The following MMP26 variants were observed in gnomAD, a reference collection of about 807,000 sequenced individuals.
MMP26 encodes matrix metallopeptidase 26.
In MMP26, 33 loss-of-function variants were observed where a neutral mutation model predicts 31.0. The ratio of observed to expected loss-of-function variants is 1.06; its 90% CI spans 0.81 to 1.42. The LOEUF is 1.42. Ranked by LOEUF, MMP26 falls within the 40% of genes most tolerant of loss-of-function variation. The pLI is 0.00. For missense variants in MMP26, 347 were observed against 316.1 expected, an observed-to-expected ratio of 1.10 and a Z score of -0.74; for synonymous variants, 122 against 114.9, an observed-to-expected ratio of 1.06 and a Z score of -0.40.
At chr11:4,922,846 G>A (rs1045339126) in intron 2 of MMP26, among the ~76,000 whole-genome samples, 1 of 152,050 alleles carries the variant, frequency 6.6e-6, no homozygotes, top group Non-Finnish European at 1.5e-5. Context: ...AATTTTGTGG[G>A]CATATGTTTA....
chr11:4,990,557 C>A lies in MMP26; in HGVS notation c.321-41C>A, dbSNP rs780460364. On this transcript the variant is annotated intron_variant, in intron 4 of 7. Coordinates refer to ENST00000380390, the MANE Select transcript of MMP26 (RefSeq NM_021801.5). ...TCATGTTTAGAGCTAGGATAATTCC[C>A]ATTCCTCTGAACTATTTCATTTAGA... is the stretch of plus-strand genomic sequence containing the variant. The A allele has an allele frequency of 9.6e-6, 15 of 1,559,740 alleles. No homozygotes were observed. In the South Asian group the frequency reaches 1.7e-4, roughly 18 times the overall value.
chr11:4,817,606 C>CA (rs1009060732), intron 2 of MMP26, among the ~76,000 whole-genome samples: 1 of 151,660 alleles, frequency 6.6e-6, no homozygotes, highest in Non-Finnish European at 1.5e-5. Context: ...AACAAACAAA[C>CA]AAAAATCTAC....
At chr11:4,949,805 T>C (rs1015008423) in intron 2 of MMP26, among the ~76,000 whole-genome samples, 3 of 111,528 alleles carry the variant, frequency 2.7e-5, no homozygotes, top group African/African-American at 8.7e-5. Context: ...TTAACAAAAC[T>C]GAAAGAATAA....
chr11:4,769,149 T>G, intron 2 of MMP26: 2 of 1,613,396 alleles, frequency 1.2e-6, no homozygotes, highest in Non-Finnish European at 1.7e-6. Context: ...AGGCTCAGCA[T>G]GTGGATGTAG....
At chr11:4,814,205 T>A (rs1210222426) in intron 2 of MMP26, among the ~76,000 whole-genome samples, 3 of 152,174 alleles carry the variant, frequency 2.0e-5, no homozygotes, top group African/African-American at 7.2e-5. Context: ...CAATTTCTAG[T>A]AAAACTAGAC....
intron 2 of MMP26, chr11:4,938,061 A>G (rs934713409): frequency 5.3e-5 from 8 of 152,196 alleles, no homozygotes; most frequent in African/African-American, 1.7e-4. Flanking sequence ...TGGGTAAGGA[A>G]GACAGAGACA....
chr11:4,912,563 A>G (rs535210624), intron 2 of MMP26: 8 of 152,268 alleles, frequency 5.3e-5, no homozygotes, highest in African/African-American at 1.7e-4. Context: ...ATTTTATTCA[A>G]TTTGCTGTGT....
chr11:4,810,467 A>G (rs954238436), intron 2 of MMP26, among the ~76,000 whole-genome samples: 1 of 152,218 alleles, frequency 6.6e-6, no homozygotes, highest in Admixed American at 6.5e-5. Flanking sequence ...GTGTGCTACC[A>G]TCATGCTATG....
intron 2 of MMP26, among the ~76,000 whole-genome samples, chr11:4,903,151 T>C (rs1025221047): frequency 1.3e-5 from 2 of 152,066 alleles, no homozygotes. Context: ...GGAACTGACA[T>C]ATAAAATAGA....
At chr11:4,846,708 AT>A in intron 2 of MMP26, among the ~76,000 whole-genome samples, 1 of 152,172 alleles carries the variant, frequency 6.6e-6, no homozygotes, top group Non-Finnish European at 1.5e-5. Flanking sequence ...AAAATAAAAA[AT>A]ATATATTTAT....
rs547476212 is a variant in MMP26, at chr11:4,727,733, C to T, written c.-217+22688C>T. 1.9e-3 allele frequency among the ~76,000 whole-genome samples: 296 copies of T among 152,206 alleles called. 1 individual carries two copies. Among genetic ancestry groups the T allele is most frequent in the African/African-American group, 6.9e-3 (287 of 41,516 alleles). ...CTGAGGTGAGAGAATTGCTTGAACCCGGGAGGTGGAGATTGCAGTGAGCTG... is the reference window on the plus strand; with the variant it reads ...CTGAGGTGAGAGAATTGCTTGAACCTGGGAGGTGGAGATTGCAGTGAGCTG... On this transcript the variant is annotated intron_variant, in intron 1 of 7. Coordinates refer to ENST00000380390, the MANE Select transcript of MMP26 (RefSeq NM_021801.5).
intron 1 of MMP26, among the ~76,000 whole-genome samples, chr11:4,766,359 T>A (rs865920265): frequency 5.9e-5 from 9 of 152,154 alleles, no homozygotes; most frequent in Non-Finnish European, 1.0e-4. Context: ...GCCCAAGGAT[T>A]ATAAGGACTT....
intron 1 of MMP26, among the ~76,000 whole-genome samples, chr11:4,751,393 G>A (rs1045064838): frequency 6.6e-6 from 1 of 152,084 alleles, no homozygotes; most frequent in African/African-American, 2.4e-5. Flanking sequence ...AAATATCACT[G>A]GAGCAATCAT....
At chr11:4,806,260 C>A (rs556937784) in intron 2 of MMP26, among the ~76,000 whole-genome samples, 49 of 151,816 alleles carry the variant, frequency 3.2e-4, no homozygotes, top group Middle Eastern at 3.4e-3. Context: ...GAGCTGAGTT[C>A]AATTCCTGGG....
intron 2 of MMP26, among the ~76,000 whole-genome samples, chr11:4,857,647 C>A (rs922819692): frequency 6.6e-6 from 1 of 152,130 alleles, no homozygotes; most frequent in African/African-American, 2.4e-5. Flanking sequence ...ACCAGAGGTA[C>A]AAGGAGGAGC....
At chr11:4,958,301 C>A (rs556512516) in intron 2 of MMP26, among the ~76,000 whole-genome samples, 25 of 152,202 alleles carry the variant, frequency 1.6e-4, no homozygotes, top group African/African-American at 4.6e-4. Context: ...CTCTTGCTAG[C>A]GCGAACAATA....
intron 2 of MMP26, among the ~76,000 whole-genome samples, chr11:4,925,716 A>G (rs1265783336): frequency 1.3e-5 from 2 of 151,774 alleles, no homozygotes; most frequent in Admixed American, 1.3e-4. Flanking sequence ...TCAGAGAAAT[A>G]GGATGAAAGT....
At chr11:4,986,565 C>G (rs1213242464) in intron 2 of MMP26, among the ~76,000 whole-genome samples, 1 of 127,588 alleles carries the variant, frequency 7.8e-6, no homozygotes, top group Admixed American at 9.5e-5. Flanking sequence ...GAATCTCACT[C>G]TGTTTCCCAG....
chr11:4,942,089 C>CAAAAAAAAAAAAAAAAAAAA (rs201626472), intron 2 of MMP26, among the ~76,000 whole-genome samples: 1,615 of 36,868 alleles, frequency 0.044, 232 homozygotes, highest in East Asian at 0.059. Context: ...GAGTCCATCT[C>CAAAAAAAAAAAAAAAAAAAA]AAAAAAAAAA....
Sources: allele counts gnomAD v4.1 joint callset (sites outside exome capture counted in the v4.1 genomes callset), GRCh38; gene constraint gnomAD v4.1.1; transcripts MANE v1.5; gene names NCBI Gene and HGNC (gene_info 2026-07-23, HGNC 2026-07-21).